Variants in PPP2R2B observed in about 807,000 individuals in gnomAD.
PPP2R2B encodes the protein protein phosphatase 2 regulatory subunit Bbeta.
In PPP2R2B, 5 loss-of-function variants were observed where a neutral mutation model predicts 46.0. The ratio of observed to expected loss-of-function variants is 0.11; its 90% CI spans 0.06 to 0.23. The LOEUF (loss-of-function observed/expected upper bound fraction) is 0.23, where lower values mean the gene tolerates loss of function less well. Among genes scored for constraint, PPP2R2B ranks in the 10% least tolerant of loss-of-function variants. The probability of loss-of-function intolerance (pLI) is 1.00; values close to 1 mark genes in which losing one functional copy is unlikely to be tolerated. For missense variants in PPP2R2B, 367 were observed against 575.0 expected (o/e 0.64, Z 3.70); for synonymous variants, 215 against 206.7 (o/e 1.04, Z -0.34).
intron 2 of PPP2R2B, among the ~76,000 whole-genome samples, chr5:146,836,262 CCA>C (rs548050351): frequency 3.5e-4 from 53 of 152,246 alleles, no homozygotes; most frequent in African/African-American, 1.3e-3. Flanking sequence ...CCCATCCTTA[CCA>C]CACATATATC....
At chr5:146,689,728 G>C (rs1406390957) in intron 5 of PPP2R2B, among the ~76,000 whole-genome samples, 1 of 152,192 alleles carries the variant, frequency 6.6e-6, no homozygotes, top group East Asian at 1.9e-4. Flanking sequence ...CTACTTTCCA[G>C]CCTCCAAAAC....
intron 1 of PPP2R2B, among the ~76,000 whole-genome samples, chr5:147,034,432 G>T (rs900204589): frequency 3.9e-5 from 6 of 151,936 alleles, no homozygotes; most frequent in African/African-American, 1.5e-4. Flanking sequence ...ATAAAATAAT[G>T]ACCCATAGTA....
At chr5:146,844,758 G>A (rs1759882840) in intron 2 of PPP2R2B, among the ~76,000 whole-genome samples, 2 of 152,160 alleles carry the variant, frequency 1.3e-5, no homozygotes, top group East Asian at 1.9e-4. Context: ...TGCATCTATA[G>A]ATCAATATGT....
chr5:146,905,313 T>G (rs1762961338), intron 1 of PPP2R2B, among the ~76,000 whole-genome samples: 1 of 152,208 alleles, frequency 6.6e-6, no homozygotes, highest in South Asian at 2.1e-4. Flanking sequence ...CTCAATCTAC[T>G]CCTCTCCTGC....
intron 4 of PPP2R2B, among the ~76,000 whole-genome samples, chr5:146,694,259 G>A (rs17456511): frequency 0.18 from 26,666 of 152,096 alleles, 2,460 homozygotes; most frequent in East Asian, 0.27. Flanking sequence ...GAATTGTGCC[G>A]TCACCCTGGC....
intron 7 of PPP2R2B, among the ~76,000 whole-genome samples, chr5:146,634,777 C>T (rs975996170): frequency 1.3e-5 from 2 of 152,022 alleles, no homozygotes; most frequent in Non-Finnish European, 2.9e-5. Flanking sequence ...CACACACACA[C>T]ACACACCCCC....
chr5:147,006,206 A>T (rs753029039), intron 1 of PPP2R2B, among the ~76,000 whole-genome samples: 1 of 152,226 alleles, frequency 6.6e-6, no homozygotes, highest in African/African-American at 2.4e-5. Context: ...CTCTTGTAGA[A>T]GCAGAGTTAG....
chr5:146,759,144 AATTC>A lies in PPP2R2B; in HGVS notation c.71-58006_71-58003del, dbSNP rs1163125654. On this transcript the variant is annotated intron_variant, in intron 2 of 9. Coordinates refer to ENST00000394411, the MANE Select transcript of PPP2R2B (RefSeq NM_181675.4). ...GTAAGGAAATAAGGCTTATGATTTAAATTCATTATTATCTCCATGTTGATGTCAT... is the reference window on the plus strand; with the variant it reads ...GTAAGGAAATAAGGCTTATGATTTAAATTATTATCTCCATGTTGATGTCAT... 4.9e-4 allele frequency among the ~76,000 whole-genome samples: 74 copies of A among 152,150 alleles called. 2 individuals carry two copies. Among genetic ancestry groups the A allele is most frequent in the Admixed American group, 4.8e-3 (74 of 15,276 alleles).
At chr5:146,828,074 G>C (rs1758691355) in intron 2 of PPP2R2B, among the ~76,000 whole-genome samples, 1 of 151,976 alleles carries the variant, frequency 6.6e-6, no homozygotes, top group Non-Finnish European at 1.5e-5. Flanking sequence ...TTTCATGGTG[G>C]CGTCCTGGCT....
intron 1 of PPP2R2B, among the ~76,000 whole-genome samples, chr5:146,900,821 T>C: frequency 6.8e-6 from 1 of 147,998 alleles, no homozygotes; most frequent in African/African-American, 2.5e-5. Flanking sequence ...CACCCCCCAG[T>C]GTGTTATTGT....
At position 146,582,952 on chromosome 5, in the gene PPP2R2B, C is replaced by T. The variant is rs1769974307; in HGVS notation, c.*6995G>A. 1 of 152,200 alleles carries T rather than the reference C, an allele frequency of 6.6e-6. No individual in the cohort carries two copies. Among genetic ancestry groups the T allele is most frequent in the Admixed American group, 6.5e-5 (1 of 15,272 alleles). 9.4% of individuals were successfully genotyped at this position (152,200 alleles called of 1,614,324 possible). A position where few individuals can be genotyped will look rare whatever the true frequency, so the allele number is the denominator to read the frequency against. Reference sequence around the variant, plus strand: ...CCTGATATGTGAACCACACTAAGTCCATGCATTATTATTTTTCAGATCATG... The same window carrying T: ...CCTGATATGTGAACCACACTAAGTCTATGCATTATTATTTTTCAGATCATG... On this transcript the variant is annotated 3_prime_UTR_variant, in exon 10 of 10. Coordinates refer to ENST00000394411, the MANE Select transcript of PPP2R2B (RefSeq NM_181675.4).
At chr5:146,943,114 T>C (rs1334572144) in intron 1 of PPP2R2B, among the ~76,000 whole-genome samples, 2 of 152,122 alleles carry the variant, frequency 1.3e-5, no homozygotes, top group Non-Finnish European at 2.9e-5. Flanking sequence ...ATAATTTTAA[T>C]CTAGTATTTT....
intron 2 of PPP2R2B, among the ~76,000 whole-genome samples, chr5:146,821,324 G>T (rs975189681): frequency 3.9e-5 from 6 of 152,034 alleles, no homozygotes; most frequent in Admixed American, 2.0e-4. Flanking sequence ...TATCTTCTGA[G>T]ACCTCCTTTC....
rs1770236719 is a variant in PPP2R2B at position 146,587,680 on chromosome 5, T to A, written c.*2267A>T. 6.6e-6 allele frequency: 1 copy of A among 152,218 alleles called. No individual in the cohort carries two copies. Among genetic ancestry groups the A allele is most frequent in the Non-Finnish European group, 1.5e-5 (1 of 68,024 alleles). The allele number at this position is 152,218 out of a possible 1,614,324, so 9.4% of individuals were successfully genotyped here. A position where few individuals can be genotyped will look rare whatever the true frequency, so the allele number is the denominator to read the frequency against. Reference sequence around the variant, plus strand: ...CAAAGTTTGATACACATGCTCCTGGTGGTTCACAAAATGATTTCAGGTGGT... The same window carrying A: ...CAAAGTTTGATACACATGCTCCTGGAGGTTCACAAAATGATTTCAGGTGGT... On this transcript the variant is annotated 3_prime_UTR_variant, in exon 10 of 10. Coordinates refer to ENST00000394411, the MANE Select transcript of PPP2R2B (RefSeq NM_181675.4).
At chr5:146,880,197 G>C (rs1156349768), upstream of PPP2R2B, among the ~76,000 whole-genome samples, 1 of 150,580 alleles carries the variant, frequency 6.6e-6, no homozygotes, top group African/African-American at 2.4e-5. Flanking sequence ...GTGTGTGTGT[G>C]TGTGTGTGTG....
In PPP2R2B at chr5:146,698,337, TATATATATATATATAC is replaced by T. The variant is rs572303017; in HGVS notation, c.169-209_169-194del. ...AAAAAAATATATATATATATATATA[TATATATATATATATAC>T]ACACACATATAATTATACACATGAA... On this transcript the variant is annotated intron_variant, in intron 3 of 9. Coordinates refer to ENST00000394411, the MANE Select transcript of PPP2R2B (RefSeq NM_181675.4). Among the ~76,000 whole-genome samples, 265 of 128,900 alleles carry T rather than the reference TATATATATATATATAC, an allele frequency of 2.1e-3. 3 individuals carry two copies. The highest frequency in any genetic ancestry group is 7.3e-3 in the African/African-American group (240 of 32,694). 84.6% of individuals were successfully genotyped at this position (128,900 alleles called of 152,430 possible).
chr5:146,912,994 A>G (rs973766253), intron 1 of PPP2R2B, among the ~76,000 whole-genome samples: 10 of 152,182 alleles, frequency 6.6e-5, no homozygotes, highest in Non-Finnish European at 1.5e-4. Flanking sequence ...CTTGCAGAAA[A>G]TGTTGTTAAA....
Position 146,988,997 on chromosome 5 carries a change from C to T in PPP2R2B, c.79+66668G>A, listed in dbSNP as rs183066193. On this transcript the variant is annotated intron_variant, in intron 1 of 8. Transcript: ENST00000336640. Reference sequence around the variant, plus strand: ...AACTACACGTAAATAAATTGGTAAACCTAGAAGAGAGTAATAAATTCATGG... The same window carrying T: ...AACTACACGTAAATAAATTGGTAAATCTAGAAGAGAGTAATAAATTCATGG... Among the ~76,000 whole-genome samples, 4 of 151,844 alleles carry T rather than the reference C, an allele frequency of 2.6e-5. No homozygotes were observed. In the East Asian group the frequency reaches 7.7e-4, roughly 29 times the overall value.
chr5:146,897,326 A>G (rs1762678490), intron 1 of PPP2R2B, among the ~76,000 whole-genome samples: 1 of 152,080 alleles, frequency 6.6e-6, no homozygotes, highest in South Asian at 2.1e-4. Context: ...CCACTGTTTA[A>G]CTCTTCTCAT....
Sources: gnomAD v4.1 joint callset for allele counts (sites outside exome capture counted in the v4.1 genomes callset) on GRCh38, gnomAD v4.1.1 for gene constraint, MANE v1.5 for transcripts, NCBI Gene and HGNC (gene_info 2026-07-23, HGNC 2026-07-21) for gene names.